The following REPS1 variants were observed in gnomAD, a reference collection of about 807,000 sequenced individuals.
The protein encoded by REPS1 is RALBP1 associated Eps domain containing 1, also known as ralBP1-associated Eps domain-containing protein 1.
Under a neutral mutation model 100.9 loss-of-function variants are expected in REPS1, and 39 were observed. That is an observed-to-expected ratio of 0.39 (90% CI 0.30 to 0.50). The LOEUF is 0.50. Ranked by LOEUF, REPS1 falls within the 20% of genes least tolerant of loss-of-function variation. REPS1 has a pLI of 0.86. For synonymous variants in REPS1, 324 were observed against 340.3 expected, an observed-to-expected ratio of 0.95 and a Z score of 0.53; for missense variants, 821 against 968.5, an observed-to-expected ratio of 0.85 and a Z score of 2.02.
rs551842627 is a variant in REPS1, at chr6:138,978,570, A to G, written c.153+8960T>C. On this transcript the variant is annotated intron_variant, in intron 1 of 19. Transcript: ENST00000450536. ...AGTGATCTGCCCGCCTCAACCTCAC[A>G]AAGTGCTAGGATTACAGGCATAAGT... Among the ~76,000 whole-genome samples, 20 of 152,086 alleles carry G rather than the reference A, an allele frequency of 1.3e-4. No homozygotes were observed. In the East Asian group the frequency reaches 3.1e-3, roughly 24 times the overall value.
intron 1 of REPS1, among the ~76,000 whole-genome samples, chr6:138,963,698 G>A (rs546965369): frequency 6.6e-6 from 1 of 152,264 alleles, no homozygotes; most frequent in African/African-American, 2.4e-5. Flanking sequence ...AAAACAATCA[G>A]TGGCAAAGAG....
At chr6:138,927,677 C>T (rs1051186931) in intron 9 of REPS1, 4 of 152,196 alleles carry the variant, frequency 2.6e-5, no homozygotes, top group East Asian at 1.9e-4. Context: ...CCTACAAAAA[C>T]GGCTAATACA....
chr6:138,963,401 C>T (rs1783847255), intron 1 of REPS1, among the ~76,000 whole-genome samples: 1 of 152,152 alleles, frequency 6.6e-6, no homozygotes. Flanking sequence ...AAATCCACTG[C>T]AAGGTCTGGC....
Position 138,903,724 on chromosome 6 carries a change from A to C in REPS1, c.*1340T>G, listed in dbSNP as rs1234621991. On this transcript the variant is annotated 3_prime_UTR_variant, in exon 20 of 20. Coordinates refer to ENST00000450536, the MANE Select transcript of REPS1 (RefSeq NM_001286611.2). ...GTGTTGAGTAGTTTCCTGGGCCTTT[A>C]ATGCTTTAAATTTATTATTTAACAA... 1.3e-5 allele frequency: 2 copies of C among 152,184 alleles called. No homozygotes were observed. Among genetic ancestry groups the C allele is most frequent in the Admixed American group, 6.5e-5 (1 of 15,280 alleles). The allele number at this position is 152,184 out of a possible 1,614,324, so 9.4% of individuals were successfully genotyped here. A position where few individuals can be genotyped will look rare whatever the true frequency, so the allele number is the denominator to read the frequency against.
chr6:138,929,911 C>T, intron 9 of REPS1, 66 bp downstream of exon 9: 3 of 1,527,932 alleles, frequency 2.0e-6, no homozygotes, highest in African/African-American at 1.4e-5. Context: ...CTGAAATTGC[C>T]CTCTTTGGAA....
At chr6:138,949,171 A>G (rs886141257) in intron 1 of REPS1, among the ~76,000 whole-genome samples, 2 of 152,182 alleles carry the variant, frequency 1.3e-5, no homozygotes, top group African/African-American at 4.8e-5. Context: ...TGCAACTAAC[A>G]TATGCCAGGT....
chr6:138,922,137 T>A (rs17068086), intron 10 of REPS1, among the ~76,000 whole-genome samples: 35,957 of 152,060 alleles, frequency 0.24, 5,104 homozygotes, highest in African/African-American at 0.4. Context: ...GAATCCAAAA[T>A]CTAAGTAACA....
chr6:138,984,254 T>G (rs1785128482), intron 1 of REPS1, among the ~76,000 whole-genome samples: 1 of 152,002 alleles, frequency 6.6e-6, no homozygotes, highest in Non-Finnish European at 1.5e-5. Context: ...CGGCTAATTT[T>G]GTATTTTTAG....
At chr6:138,923,425 T>C (rs1011097298) in intron 10 of REPS1, among the ~76,000 whole-genome samples, 1 of 152,214 alleles carries the variant, frequency 6.6e-6, no homozygotes, top group Admixed American at 6.5e-5. Context: ...ATAACATTCA[T>C]CTAATCTATA....
intron 1 of REPS1, among the ~76,000 whole-genome samples, chr6:138,953,001 C>A (rs1160268579): frequency 5.3e-5 from 8 of 151,422 alleles, no homozygotes; most frequent in Non-Finnish European, 4.4e-5. Flanking sequence ...CCACACACAG[C>A]AAATTTTGTA....
intron 12 of REPS1, 34 bp downstream of exon 12, chr6:138,920,181 A>ACT (rs1780659125): frequency 8.9e-7 from 1 of 1,123,548 alleles, no homozygotes; most frequent in Non-Finnish European, 1.4e-6. Context: ...CAGACTTAGT[A>ACT]AACTTCAAAT....
intron 1 of REPS1, among the ~76,000 whole-genome samples, chr6:138,952,089 G>GT (rs1485268355): frequency 6.6e-6 from 1 of 151,956 alleles, no homozygotes; most frequent in African/African-American, 2.4e-5. Context: ...ACCATGCTTT[G>GT]TTTTTTTAAT....
chr6:138,908,982 G>C (rs1779840466), intron 17 of REPS1, 166 bp from the exon 18 acceptor site: 1 of 615,364 alleles, frequency 1.6e-6, no homozygotes, highest in Non-Finnish European at 2.8e-6. Flanking sequence ...TTAAATTACA[G>C]TGAGAAAAGA....
intron 1 of REPS1, among the ~76,000 whole-genome samples, chr6:138,948,333 G>C (rs1782774193): frequency 2.6e-5 from 4 of 152,042 alleles, no homozygotes; most frequent in African/African-American, 7.3e-5. Context: ...TTATCAAGTG[G>C]GGAAGAAAGG....
intron 1 of REPS1, among the ~76,000 whole-genome samples, chr6:138,959,886 C>T (rs981389539): frequency 1.3e-5 from 2 of 152,156 alleles, no homozygotes; most frequent in Non-Finnish European, 2.9e-5. Flanking sequence ...ATCCCCAGTT[C>T]ATAGGAAAGA....
chr6:138,964,056 C>T (rs955723205), intron 1 of REPS1, among the ~76,000 whole-genome samples: 8 of 152,166 alleles, frequency 5.3e-5, no homozygotes, highest in African/African-American at 1.7e-4. Flanking sequence ...CTCACTTTCA[C>T]TACATTTCTC....
At chr6:138,932,760 G>T (rs969893435) in intron 8 of REPS1, among the ~76,000 whole-genome samples, 1 of 152,158 alleles carries the variant, frequency 6.6e-6, no homozygotes, top group Non-Finnish European at 1.5e-5. Context: ...TCGGACTTGG[G>T]TATCGCGCGG....
intron 15 of REPS1, among the ~76,000 whole-genome samples, chr6:138,913,802 C>CTCCA (rs1185098987): frequency 6.6e-6 from 1 of 152,224 alleles, no homozygotes; most frequent in Non-Finnish European, 1.5e-5. Flanking sequence ...TAACACAAAC[C>CTCCA]TCCATCGCTT....
intron 1 of REPS1, among the ~76,000 whole-genome samples, chr6:138,983,819 G>C (rs974522699): frequency 6.6e-6 from 1 of 152,164 alleles, no homozygotes; most frequent in Non-Finnish European, 1.5e-5. Flanking sequence ...CTGAACTGCT[G>C]TAAGAACCAG....
Sources: allele counts gnomAD v4.1 joint callset (sites outside exome capture counted in the v4.1 genomes callset), GRCh38; gene constraint gnomAD v4.1.1; transcripts MANE v1.5; gene names NCBI Gene and HGNC (gene_info 2026-07-23, HGNC 2026-07-21).